RBFOX1: variants seen among roughly 807,000 people sequenced by gnomAD.
The protein encoded by RBFOX1 is RNA binding protein fox-1 homolog 1.
In RBFOX1, 8 loss-of-function variants were observed where a neutral mutation model predicts 57.7. That is an observed-to-expected ratio of 0.14 (90% CI 0.08 to 0.25). RBFOX1 has a LOEUF of 0.25. Ranked by LOEUF, RBFOX1 falls within the 10% of genes least tolerant of loss-of-function variation. The probability of loss-of-function intolerance (pLI) is 1.00; values close to 1 mark genes in which losing one functional copy is unlikely to be tolerated. For synonymous variants in RBFOX1, 326 were observed against 222.4 expected (o/e 1.47, Z -4.15); for missense variants, 611 against 548.5 (o/e 1.11, Z -1.14).
intron 4 of RBFOX1, among the ~76,000 whole-genome samples, chr16:7,322,552 T>G (rs936173955): frequency 3.3e-5 from 5 of 152,106 alleles, no homozygotes; most frequent in African/African-American, 4.8e-5. Context: ...TCCTCTGGAG[T>G]CCTTTGGTGA....
intron 4 of RBFOX1, among the ~76,000 whole-genome samples, chr16:7,166,819 A>G (rs1175948551): frequency 6.6e-6 from 1 of 151,966 alleles, no homozygotes; most frequent in Non-Finnish European, 1.5e-5. Context: ...CCCATGCGGC[A>G]TCTCTCCCAG....
intron 3 of RBFOX1, among the ~76,000 whole-genome samples, chr16:5,820,529 T>A (rs903928565): frequency 2.6e-5 from 4 of 152,144 alleles, no homozygotes; most frequent in Non-Finnish European, 5.9e-5. Context: ...CACCCCAGCT[T>A]CTTTTCATCA....
intron 2 of RBFOX1, among the ~76,000 whole-genome samples, chr16:6,317,583 C>T (rs1279682948): frequency 6.6e-6 from 1 of 152,020 alleles, no homozygotes; most frequent in African/African-American, 2.4e-5. Flanking sequence ...TGCTGGGGTA[C>T]ATTATAGAAA....
At chr16:6,134,185 C>T (rs1053204852) in intron 1 of RBFOX1, among the ~76,000 whole-genome samples, 4 of 152,176 alleles carry the variant, frequency 2.6e-5, no homozygotes, top group Admixed American at 6.5e-5. Flanking sequence ...GATCCACCCA[C>T]CTCAGCCTCC....
intron 2 of RBFOX1, among the ~76,000 whole-genome samples, chr16:5,546,159 A>C (rs887115482): frequency 2.6e-5 from 4 of 152,204 alleles, no homozygotes; most frequent in African/African-American, 9.6e-5. Flanking sequence ...ATATATTAAT[A>C]AGACAAACTA....
In RBFOX1 at chr16:7,531,062, C is replaced by G. The variant is rs186230170; in HGVS notation, c.270+12673C>G. On this transcript the variant is annotated intron_variant, in intron 5 of 15. Coordinates refer to ENST00000550418, the MANE Select transcript of RBFOX1 (RefSeq NM_018723.4). ...CTGTACCACTCAAAACAAACCAGACCATCAGGACCAGTTAATGTGAAGGCT... is the reference window on the plus strand; with the variant it reads ...CTGTACCACTCAAAACAAACCAGACGATCAGGACCAGTTAATGTGAAGGCT... Among the ~76,000 whole-genome samples the G allele has an allele frequency of 2.2e-4, 33 of 152,210 alleles. No homozygotes were observed. The East Asian group carries it at 6.2e-3, about 29-fold the overall frequency.
At chr16:7,205,939 C>A (rs574463484) in intron 4 of RBFOX1, among the ~76,000 whole-genome samples, 6 of 152,352 alleles carry the variant, frequency 3.9e-5, no homozygotes, top group Admixed American at 1.3e-4. Flanking sequence ...TACAGGAGGA[C>A]AGCCTGGTTT....
chr16:7,653,242 T>G (rs963468608), intron 11 of RBFOX1, among the ~76,000 whole-genome samples: 7 of 152,206 alleles, frequency 4.6e-5, no homozygotes, highest in African/African-American at 1.7e-4. Flanking sequence ...GGTCCATAAC[T>G]GTAATCTCAG....
At chr16:6,620,496 C>T (rs1242630199) in intron 2 of RBFOX1, among the ~76,000 whole-genome samples, 3 of 151,948 alleles carry the variant, frequency 2.0e-5, no homozygotes, top group African/African-American at 2.4e-5. Flanking sequence ...TAACCAAAAT[C>T]GGAGCTGAAC....
At chr16:7,155,738 T>TACACACACACACACACACAC (rs138509367) in intron 4 of RBFOX1, among the ~76,000 whole-genome samples, 9 of 75,510 alleles carry the variant, frequency 1.2e-4, no homozygotes, top group African/African-American at 4.3e-4. Flanking sequence ...TATATATATA[T>TACACACACACACACACACAC]ACACACACAC....
At chr16:6,534,257 A>ATGTGTG (rs143116379) in intron 2 of RBFOX1, among the ~76,000 whole-genome samples, 7 of 149,346 alleles carry the variant, frequency 4.7e-5, no homozygotes, top group African/African-American at 7.4e-5. Context: ...ATCAGTGTGT[A>ATGTGTG]TGTGTGTGTG....
At chr16:6,703,381 C>G (rs8054919) in intron 3 of RBFOX1, among the ~76,000 whole-genome samples, 1 of 151,684 alleles carries the variant, frequency 6.6e-6, no homozygotes. Flanking sequence ...TGAGGCCAGC[C>G]TAGGCAACAT....
chr16:5,752,168 G>A (rs1359146019), intron 3 of RBFOX1, among the ~76,000 whole-genome samples: 1 of 152,210 alleles, frequency 6.6e-6, no homozygotes, highest in Non-Finnish European at 1.5e-5. Context: ...AACTGGTGTA[G>A]GAACAGAAAA....
chr16:5,547,234 G>A lies in RBFOX1; in HGVS notation c.259-51668G>A, dbSNP rs142316454. Among the ~76,000 whole-genome samples the A allele has an allele frequency of 2.3e-3, 350 of 152,222 alleles. 3 individuals are homozygous for A. Among genetic ancestry groups the A allele is most frequent in the African/African-American group, 8.1e-3 (335 of 41,528 alleles). On this transcript the variant is annotated intron_variant, in intron 2 of 2. Coordinates refer to the RBFOX1 transcript ENST00000585867. ...CAACATGCACCTGTCATGTCATCTA[G>A]CCATTTCATGTCTAGAGGTATTTAT... is the stretch of plus-strand genomic sequence containing the variant.
intron 4 of RBFOX1, among the ~76,000 whole-genome samples, chr16:7,135,924 C>G (rs1282701386): frequency 6.6e-6 from 1 of 152,200 alleles, no homozygotes; most frequent in African/African-American, 2.4e-5. Flanking sequence ...TCTGCATTGT[C>G]TTTGGAGTTG....
At chr16:5,448,623 T>C (rs752700298) in intron 1 of RBFOX1, among the ~76,000 whole-genome samples, 1 of 152,164 alleles carries the variant, frequency 6.6e-6, no homozygotes, top group Non-Finnish European at 1.5e-5. Context: ...CAGCGTTTCA[T>C]AGCTGTTGAA....
At chr16:5,512,337 T>C (rs1187749741) in intron 2 of RBFOX1, among the ~76,000 whole-genome samples, 1 of 152,160 alleles carries the variant, frequency 6.6e-6, no homozygotes, top group Admixed American at 6.5e-5. Context: ...ACTGCCCAAA[T>C]GTATTGCAAT....
chr16:7,362,102 AGTGT>A (rs2097335355), intron 4 of RBFOX1, among the ~76,000 whole-genome samples: 1 of 146,260 alleles, frequency 6.8e-6, no homozygotes, highest in African/African-American at 2.5e-5. Context: ...TATGTGTGTT[AGTGT>A]GTGTATGTGT....
chr16:6,397,153 A>G (rs1440021953), intron 2 of RBFOX1, among the ~76,000 whole-genome samples: 1 of 152,206 alleles, frequency 6.6e-6, no homozygotes, highest in Non-Finnish European at 1.5e-5. Context: ...AATTTCTTCA[A>G]ATTTGGTGAA....
Sources: gnomAD v4.1 joint callset for allele counts (sites outside exome capture counted in the v4.1 genomes callset) on GRCh38, gnomAD v4.1.1 for gene constraint, MANE v1.5 for transcripts, NCBI Gene and HGNC (gene_info 2026-07-23, HGNC 2026-07-21) for gene names.